The following ST6GALNAC3 variants were observed in gnomAD, a reference collection of about 807,000 sequenced individuals.
ST6GALNAC3 encodes alpha-N-acetylgalactosaminide alpha-2,6-sialyltransferase 3.
In ST6GALNAC3, 25 loss-of-function variants were observed where a neutral mutation model predicts 32.7. That is an observed-to-expected ratio of 0.76 (90% CI 0.56 to 1.07). The LOEUF (loss-of-function observed/expected upper bound fraction) is 1.07, where lower values mean the gene tolerates loss of function less well. Ranked by LOEUF, ST6GALNAC3 falls within the 50% of genes least tolerant of loss-of-function variation. The pLI, the probability that ST6GALNAC3 is intolerant of heterozygous loss-of-function variation, is 0.00. For missense variants in ST6GALNAC3, 355 were observed against 382.4 expected, an observed-to-expected ratio of 0.93 and a Z score of 0.60; for synonymous variants, 129 against 133.1, an observed-to-expected ratio of 0.97 and a Z score of 0.21.
At chr1:76,211,619 G>A (rs1466322831) in intron 1 of ST6GALNAC3, among the ~76,000 whole-genome samples, 2 of 151,932 alleles carry the variant, frequency 1.3e-5, no homozygotes, top group African/African-American at 4.8e-5. Flanking sequence ...AAAATGATGA[G>A]TTCATGTCCT....
intron 1 of ST6GALNAC3, among the ~76,000 whole-genome samples, chr1:76,085,049 A>G (rs1487476779): frequency 6.6e-6 from 1 of 152,182 alleles, no homozygotes; most frequent in African/African-American, 2.4e-5. Context: ...CTTGCTGCCT[A>G]TTTACATGCA....
chr1:76,097,524 A>T (rs1371897890), intron 1 of ST6GALNAC3, among the ~76,000 whole-genome samples: 1 of 152,204 alleles, frequency 6.6e-6, no homozygotes, highest in East Asian at 1.9e-4. Flanking sequence ...AGGCTTCCCC[A>T]GCCATACTGA....
At chr1:76,184,330 G>A (rs977300674) in intron 1 of ST6GALNAC3, among the ~76,000 whole-genome samples, 51 of 152,222 alleles carry the variant, frequency 3.4e-4, no homozygotes, top group East Asian at 1.4e-3. Context: ...TTTGAGGTCA[G>A]GAGTTCAAGA....
intron 3 of ST6GALNAC3, among the ~76,000 whole-genome samples, chr1:76,492,153 T>G (rs1296928186): frequency 1.3e-5 from 2 of 152,206 alleles, no homozygotes; most frequent in African/African-American, 4.8e-5. Flanking sequence ...TCTTCACTCT[T>G]TCCCTGACTG....
At chr1:76,355,319 T>C (rs115569946) in intron 2 of ST6GALNAC3, among the ~76,000 whole-genome samples, 1 of 152,246 alleles carries the variant, frequency 6.6e-6, no homozygotes, top group Non-Finnish European at 1.5e-5. Context: ...ATAGAAATTA[T>C]GTATATTCCT....
intron 3 of ST6GALNAC3, among the ~76,000 whole-genome samples, chr1:76,499,650 C>T (rs1045455814): frequency 1.1e-4 from 17 of 152,102 alleles, no homozygotes; most frequent in Admixed American, 1.1e-3. Context: ...AAACATTTCC[C>T]TTGCTGATTT....
At chr1:76,087,738 T>A (rs1044787944) in intron 1 of ST6GALNAC3, among the ~76,000 whole-genome samples, 27 of 152,252 alleles carry the variant, frequency 1.8e-4, no homozygotes, top group Non-Finnish European at 5.9e-5. Context: ...TCCAGGTGTT[T>A]GGCTGAAGTA....
At chr1:76,452,702 G>A (rs1376192304) in intron 3 of ST6GALNAC3, among the ~76,000 whole-genome samples, 6 of 152,044 alleles carry the variant, frequency 3.9e-5, no homozygotes, top group Non-Finnish European at 8.8e-5. Context: ...ATGGATATTT[G>A]CACCTATGTT....
intron 2 of ST6GALNAC3, among the ~76,000 whole-genome samples, chr1:76,380,149 A>G (rs182798295): frequency 6.6e-6 from 1 of 152,338 alleles, no homozygotes; most frequent in Admixed American, 6.5e-5. Context: ...TATTCTTAAA[A>G]TGGGCAGGAA....
intron 1 of ST6GALNAC3, among the ~76,000 whole-genome samples, chr1:76,190,717 G>A (rs1243743704): frequency 1.3e-5 from 2 of 152,140 alleles, no homozygotes. Context: ...ATCATTGTAA[G>A]GTAAAGCTTT....
chr1:76,373,334 T>G (rs746023975), intron 2 of ST6GALNAC3, among the ~76,000 whole-genome samples: 8 of 152,208 alleles, frequency 5.3e-5, no homozygotes, highest in Non-Finnish European at 1.2e-4. Flanking sequence ...TACAAAAACT[T>G]TCAAGGTCCT....
At chr1:76,441,002 C>CACTTGA (rs1656541614) in intron 3 of ST6GALNAC3, among the ~76,000 whole-genome samples, 1 of 147,402 alleles carries the variant, frequency 6.8e-6, no homozygotes, top group Non-Finnish European at 1.5e-5. Flanking sequence ...GCAGGAGAAT[C>CACTTGA]ACTTGAACTT....
At chr1:76,447,846 A>T (rs939451680) in intron 3 of ST6GALNAC3, among the ~76,000 whole-genome samples, 5 of 152,168 alleles carry the variant, frequency 3.3e-5, no homozygotes, top group African/African-American at 1.2e-4. Flanking sequence ...AAACACCTGG[A>T]TGCCCAGGCA....
chr1:76,306,590 ATTC>A (rs1334938183), intron 1 of ST6GALNAC3, among the ~76,000 whole-genome samples: 4 of 151,864 alleles, frequency 2.6e-5, no homozygotes, highest in Non-Finnish European at 5.9e-5. Flanking sequence ...ACTGTAATAA[ATTC>A]TTCTGTGCAA....
chr1:76,525,015 G>C (rs1017434996), intron 3 of ST6GALNAC3, among the ~76,000 whole-genome samples: 1 of 152,030 alleles, frequency 6.6e-6, no homozygotes, highest in Admixed American at 6.6e-5. Context: ...TCATACTTTT[G>C]TAAGATTATA....
At chr1:76,135,536 C>G (rs1371153872) in intron 1 of ST6GALNAC3, among the ~76,000 whole-genome samples, 1 of 152,192 alleles carries the variant, frequency 6.6e-6, no homozygotes, top group Non-Finnish European at 1.5e-5. Context: ...CTACTCAGAT[C>G]AAATAGCTAA....
chr1:76,330,482 T>C (rs752647184), intron 2 of ST6GALNAC3, among the ~76,000 whole-genome samples: 8 of 152,220 alleles, frequency 5.3e-5, no homozygotes, highest in Non-Finnish European at 1.2e-4. Flanking sequence ...CACACAGCTG[T>C]CCTCTGTCTT....
chr1:76,375,696 A>G lies in ST6GALNAC3; in HGVS notation c.214-36312A>G, dbSNP rs148963014. Reference sequence around the variant, plus strand: ...ACAGGCTCATCCTGGAGCATTGCTTACAGTAGGAAATATTTGGAAATAAAT... The same window carrying G: ...ACAGGCTCATCCTGGAGCATTGCTTGCAGTAGGAAATATTTGGAAATAAAT... On this transcript the variant is annotated intron_variant, in intron 2 of 4. Coordinates refer to ENST00000328299, the MANE Select transcript of ST6GALNAC3 (RefSeq NM_152996.4). Among the ~76,000 whole-genome samples, 3 of 152,338 alleles carry G rather than the reference A, an allele frequency of 2.0e-5. No homozygotes were observed. The East Asian group carries it at 5.8e-4, about 29-fold the overall frequency.
At chr1:76,317,300 G>A (rs369069160) in intron 2 of ST6GALNAC3, among the ~76,000 whole-genome samples, 53 of 152,142 alleles carry the variant, frequency 3.5e-4, no homozygotes, top group South Asian at 2.1e-3. Flanking sequence ...GTCCTCAGGC[G>A]CAATCCGTTG....
Sources: allele counts gnomAD v4.1 joint callset (sites outside exome capture counted in the v4.1 genomes callset), GRCh38; gene constraint gnomAD v4.1.1; transcripts MANE v1.5; gene names NCBI Gene and HGNC (gene_info 2026-07-23, HGNC 2026-07-21).